ZNF532: variants seen among roughly 807,000 people sequenced by gnomAD.
The protein encoded by ZNF532 is zinc finger protein 532.
In ZNF532, 22 loss-of-function variants were observed where a neutral mutation model predicts 89.3. The observed-to-expected ratio is 0.25, with a 90% CI of 0.18 to 0.35. The LOEUF (loss-of-function observed/expected upper bound fraction) is 0.35, where lower values mean the gene tolerates loss of function less well. Ranked by LOEUF, ZNF532 falls within the 10% of genes least tolerant of loss-of-function variation. ZNF532 has a pLI of 1.00. For missense variants in ZNF532, 1,132 were observed against 1,643.4 expected (o/e 0.69, Z 5.38); for synonymous variants, 606 against 649.6 (o/e 0.93, Z 1.02).
At chr18:58,947,926 C>T (rs1219379054) in intron 5 of ZNF532, 141 bp from the exon 6 acceptor site, 1 of 708,362 alleles carries the variant, frequency 1.4e-6, no homozygotes, top group Non-Finnish European at 2.2e-6. Context: ...AAGTTTGTTT[C>T]AGAGCTAATC....
chr18:58,868,215 G>C (rs2056654193), intron 2 of ZNF532, among the ~76,000 whole-genome samples: 1 of 152,108 alleles, frequency 6.6e-6, no homozygotes, highest in Admixed American at 6.5e-5. Flanking sequence ...CTAATCCCAG[G>C]ACCATCAGAA....
chr18:58,934,579 G>C lies in ZNF532; in HGVS notation c.2493G>C (p.Lys831Asn). The C allele has an allele frequency of 6.2e-7, 1 of 1,614,146 alleles. No individual in the cohort carries two copies. The highest frequency in any genetic ancestry group is 8.5e-7 in the Non-Finnish European group (1 of 1,180,010). ...RSVHFQTHVT[K>N]NCLHYTRRVG... ...TGCACTTCCAGACCCACGTCACCAAGAACTGTCTGCACTACACGAGGAGAG... is the reference window on the plus strand; with the variant it reads ...TGCACTTCCAGACCCACGTCACCAACAACTGTCTGCACTACACGAGGAGAG... The change falls in exon 4 of 10, where the codon AAG becomes AAC. Residue 831 changes from lysine (K) to asparagine (N), a missense_variant. Physicochemically the swap from Lys to Asn is moderately conservative, Grantham distance 94. Transcript: ENST00000591808.
chr18:58,865,809 A>T (rs2056401454), intron 2 of ZNF532, among the ~76,000 whole-genome samples: 1 of 152,146 alleles, frequency 6.6e-6, no homozygotes, highest in Non-Finnish European at 1.5e-5. Context: ...CAATTGGGAG[A>T]GTCAGGCCTG....
chr18:58,973,703 C>T (rs540456344), intron 7 of ZNF532, among the ~76,000 whole-genome samples: 73 of 152,248 alleles, frequency 4.8e-4, no homozygotes, highest in African/African-American at 1.7e-3. Flanking sequence ...TTTATAGTGG[C>T]TTTATTCATA....
chr18:58,920,694 A>C (rs1011067593), intron 3 of ZNF532, 61 bp downstream of exon 3: 2 of 1,430,288 alleles, frequency 1.4e-6, no homozygotes, highest in Non-Finnish European at 1.9e-6. Flanking sequence ...AGTGCTTGAT[A>C]AGATGCCCTT....
rs1555704786 is a variant in ZNF532 at position 58,880,771 on chromosome 18, C to CGTGTGTGTGTGTGT, written c.-18+15194_-18+15195insGTGTGTGTGTGTGT. ...TCATAGGCGCGCGCGCACGCGCGCG[C>CGTGTGTGTGTGTGT]GTCTGTGTGTGTGTGTGTATGTTTG... On this transcript the variant is annotated intron_variant, in intron 2 of 9. Transcript: ENST00000591808. 9.4e-3 allele frequency among the ~76,000 whole-genome samples: 1,367 copies of CGTGTGTGTGTGTGT among 145,346 alleles called. 28 individuals are homozygous for CGTGTGTGTGTGTGT. The highest frequency in any genetic ancestry group is 0.056 in the Admixed American group (814 of 14,592).
At chr18:58,889,544 A>T (rs1339415971) in intron 2 of ZNF532, among the ~76,000 whole-genome samples, 1 of 152,230 alleles carries the variant, frequency 6.6e-6, no homozygotes, top group Non-Finnish European at 1.5e-5. Flanking sequence ...TCATGCCTGT[A>T]ATCCCAGCAC....
chr18:58,906,155 G>T (rs966742172), intron 2 of ZNF532, among the ~76,000 whole-genome samples: 1 of 152,066 alleles, frequency 6.6e-6, no homozygotes, highest in African/African-American at 2.4e-5. Flanking sequence ...TCCCCTTTCC[G>T]TACTGTCCTC....
rs974874965 is a variant in ZNF532 at position 58,939,581 on chromosome 18, G to A, written c.2665G>A (p.Ala889Thr). 1.9e-6 allele frequency: 3 copies of A among 1,613,672 alleles called. No homozygotes were observed. Among genetic ancestry groups the A allele is most frequent in the Admixed American group, 1.7e-5 (1 of 59,886 alleles). ...FKSAPSTHSH[A>T]YTQHPGIKIG... ...GTCTGCCCCAAGCACACATTCCCAC[G>A]CCTACACACAGCATCCTGGCATCAA... The change falls in exon 5 of 10, where the codon GCC (alanine) becomes ACC (threonine). Residue 889 changes from alanine to threonine, a missense_variant. Physicochemically the swap from Ala to Thr is moderately conservative, Grantham distance 58. Coordinates refer to ENST00000591808, the MANE Select transcript of ZNF532 (RefSeq NM_001375912.1).
chr18:58,874,172 A>G (rs1311895020), intron 2 of ZNF532, among the ~76,000 whole-genome samples: 1 of 152,130 alleles, frequency 6.6e-6, no homozygotes, highest in Non-Finnish European at 1.5e-5. Context: ...TTGACCATGA[A>G]AACAGACTGT....
chr18:58,941,466 C>CTT (rs2063015079), intron 5 of ZNF532, among the ~76,000 whole-genome samples: 1 of 118,840 alleles, frequency 8.4e-6, no homozygotes, highest in Non-Finnish European at 1.8e-5. Context: ...TTCTCTCTCT[C>CTT]TCTTTTTTTT....
rs546464312 is a variant in ZNF532 at position 58,949,925 on chromosome 18, C to T, written c.2868+1696C>T. Among the ~76,000 whole-genome samples the T allele has an allele frequency of 7.9e-5, 12 of 152,218 alleles. No homozygotes were observed. In the South Asian group the frequency reaches 2.5e-3, roughly 32 times the overall value. On this transcript the variant is annotated intron_variant, in intron 6 of 9. Transcript: ENST00000591808. ...TGGGTGAATAAAAGCATGGGAGATG[C>T]ATTTCATCATTCTCATTTGAAGTAC...
At chr18:58,890,442 G>T (rs569214567) in intron 2 of ZNF532, among the ~76,000 whole-genome samples, 1 of 151,756 alleles carries the variant, frequency 6.6e-6, no homozygotes, top group South Asian at 2.1e-4. Context: ...TTGATATAAA[G>T]GTGGTTCCAT....
At position 58,865,032 on chromosome 18, in the gene ZNF532, G is replaced by T. The variant is rs1041302475; in HGVS notation, c.-481G>T. On this transcript the variant is annotated 5_prime_UTR_variant, in exon 1 of 10. The change creates a premature stop within an existing upstream ORF in the 5' untranslated region. Transcript: ENST00000591808. ...TAAAAGATTCTGGGTAGAGAAGATG[G>T]AAAAAAAGGTGCAGGTTTGCAGGGT... 3.3e-5 allele frequency: 5 copies of T among 152,142 alleles called. No individual in the cohort carries two copies. The highest frequency in any genetic ancestry group is 7.3e-5 in the Non-Finnish European group (5 of 68,060). 9.4% of individuals were successfully genotyped at this position (152,142 alleles called of 1,614,324 possible). A position where few individuals can be genotyped will look rare whatever the true frequency, so the allele number is the denominator to read the frequency against.
At chr18:58,884,979 G>GTTT (rs34689408) in intron 2 of ZNF532, among the ~76,000 whole-genome samples, 7 of 138,100 alleles carry the variant, frequency 5.1e-5, no homozygotes, top group Admixed American at 1.5e-4. Context: ...CAGTACAAGG[G>GTTT]TTTTTTTTTT....
chr18:58,957,119 C>G (rs2064855193), intron 7 of ZNF532, among the ~76,000 whole-genome samples: 1 of 152,068 alleles, frequency 6.6e-6, no homozygotes, highest in African/African-American at 2.4e-5. Flanking sequence ...GTTGTAAATA[C>G]CTAGAGAACT....
chr18:58,916,743 AG>A (rs770186291), intron 2 of ZNF532: 117 of 985,206 alleles, frequency 1.2e-4, no homozygotes, highest in Non-Finnish European at 1.3e-4. Flanking sequence ...TAATATACTG[AG>A]GGTCTTAGCA....
chr18:58,919,836 C>T lies in ZNF532; in HGVS notation c.1549C>T (p.Leu517Phe). ...VPASSLANAK[L>F]VPKTVHLANL... ...GGCATCCAGCCTGGCCAATGCCAAA[C>T]TCGTGCCAAAGACTGTGCACCTTGC... Residue 517 changes from leucine to phenylalanine, a missense_variant, in exon 3 of 10, where the codon CTC (leucine) becomes TTC (phenylalanine). Around this residue, in one of 9 missense-constraint regions of ZNF532, gnomAD observed 97 missense variants for 143.7 expected, o/e 0.68. Transcript: ENST00000591808. The surrounding 1 kb of genome is among the most constrained non-coding windows in gnomAD (Gnocchi z 6.1). 2.5e-6 allele frequency: 4 copies of T among 1,614,052 alleles called. No individual in the cohort carries two copies. Among genetic ancestry groups the T allele is most frequent in the Non-Finnish European group, 3.4e-6 (4 of 1,179,886 alleles).
intron 2 of ZNF532, among the ~76,000 whole-genome samples, chr18:58,914,067 T>G (rs2060445053): frequency 6.6e-6 from 1 of 152,276 alleles, no homozygotes; most frequent in African/African-American, 2.4e-5. Context: ...TTACAAAGTA[T>G]GAGAAGTATG....
Sources: allele counts gnomAD v4.1 joint callset (sites outside exome capture counted in the v4.1 genomes callset), GRCh38; gene constraint gnomAD v4.1.1; regional missense constraint gnomAD v4.1.1; non-coding constraint Gnocchi (gnomAD v3.1); transcripts MANE v1.5; gene names NCBI Gene and HGNC (gene_info 2026-07-23, HGNC 2026-07-21).